The following RFC3 variants were observed in gnomAD, a reference collection of about 807,000 sequenced individuals.
RFC3 encodes the protein A1 38 kDa subunit.
In RFC3, 41 loss-of-function variants were observed where a neutral mutation model predicts 45.1. The ratio of observed to expected loss-of-function variants is 0.91; its 90% CI spans 0.71 to 1.18. RFC3 has a LOEUF of 1.18. RFC3 is among the 50% of genes most tolerant of loss of function. RFC3 has a pLI of 0.00. For missense variants in RFC3, 423 were observed against 428.1 expected, an observed-to-expected ratio of 0.99 and a Z score of 0.10; for synonymous variants, 149 against 144.0, an observed-to-expected ratio of 1.03 and a Z score of -0.25.
At position 33,957,018 on chromosome 13, in the gene RFC3, CATCT is replaced by C. The variant is rs563347384; in HGVS notation, c.880-9061_880-9058del. Reference sequence around the variant, plus strand: ...TATCTACCTACTATCTATTATCTATCATCTATCTATCCATGATCATCGTCAACTA... The same window carrying C: ...TATCTACCTACTATCTATTATCTATCATCTATCCATGATCATCGTCAACTA... On this transcript the variant is annotated intron_variant, in intron 8 of 8. Coordinates refer to the RFC3 transcript ENST00000434425. Among the ~76,000 whole-genome samples the C allele has an allele frequency of 1.2e-3, 183 of 152,286 alleles. 4 individuals are homozygous for C. The South Asian group carries it at 0.031, about 26-fold the overall frequency.
chr13:33,823,816 A>C, intron 2 of RFC3, 101 bp from the exon 3 acceptor site: 1 of 567,526 alleles, frequency 1.8e-6, no homozygotes, highest in Non-Finnish European at 3.1e-6. Flanking sequence ...GGTTATCTCA[A>C]GTTTTACTTT....
intron 5 of RFC3, 92 bp from the exon 6 acceptor site, chr13:33,830,627 A>G: frequency 1.0e-6 from 1 of 968,642 alleles, no homozygotes; most frequent in East Asian, 2.6e-5. Context: ...TTTGAGAGTA[A>G]TACAGTTATA....
chr13:33,908,193 A>G (rs1265886542), intron 8 of RFC3, among the ~76,000 whole-genome samples: 1 of 152,012 alleles, frequency 6.6e-6, no homozygotes, highest in Admixed American at 6.6e-5. Flanking sequence ...ACACAGTGCT[A>G]CATTAATCAG....
intron 1 of RFC3, 84 bp from the exon 2 acceptor site, chr13:33,821,048 A>G: frequency 7.2e-7 from 1 of 1,382,068 alleles, no homozygotes; most frequent in Non-Finnish European, 9.9e-7. Flanking sequence ...GACACATAAA[A>G]TATTTGTTAC....
chr13:33,888,841 G>T (rs2082544781), intron 8 of RFC3, among the ~76,000 whole-genome samples: 1 of 151,602 alleles, frequency 6.6e-6, no homozygotes, highest in Non-Finnish European at 1.5e-5. Context: ...CACCTCCCAG[G>T]TTCACGCCAT....
chr13:33,840,747 G>A (rs1210506893), downstream of RFC3, among the ~76,000 whole-genome samples: 2 of 151,296 alleles, frequency 1.3e-5, no homozygotes, highest in Non-Finnish European at 2.9e-5. Context: ...AAATACTCAT[G>A]GAAAAATGCA....
chr13:33,876,079 A>C (rs1425930106), intron 8 of RFC3, among the ~76,000 whole-genome samples: 2 of 152,164 alleles, frequency 1.3e-5, no homozygotes, highest in Non-Finnish European at 2.9e-5. Context: ...TGCTTCTCCT[A>C]TTGTATCCAA....
intron 8 of RFC3, among the ~76,000 whole-genome samples, chr13:33,843,461 A>G (rs1413586488): frequency 6.6e-6 from 1 of 152,212 alleles, no homozygotes; most frequent in Non-Finnish European, 1.5e-5. Flanking sequence ...CTGATGGCCC[A>G]CTGAAGTTAC....
At chr13:33,867,671 C>T (rs1020699051) in intron 8 of RFC3, among the ~76,000 whole-genome samples, 2 of 152,112 alleles carry the variant, frequency 1.3e-5, no homozygotes, top group Non-Finnish European at 2.9e-5. Flanking sequence ...GCCAGACCCA[C>T]CAGGGCTGCG....
rs751356354 is a variant in RFC3 at position 33,830,868 on chromosome 13, G to C, written c.710+13G>C. 1 of 1,605,840 alleles carries C rather than the reference G, an allele frequency of 6.2e-7. No individual in the cohort carries two copies. Among genetic ancestry groups the C allele is most frequent in the Non-Finnish European group, 8.5e-7 (1 of 1,177,332 alleles). ...GCAGAGTGCAACAGTGAGTGGAAGG[G>C]GTAGTTACATTCTAGGACTTTGGCC... On this transcript the variant is annotated intron_variant, in intron 6 of 8. Coordinates refer to ENST00000380071, the MANE Select transcript of RFC3 (RefSeq NM_002915.4).
chr13:33,948,450 G>A (rs2137823390), intron 8 of RFC3, among the ~76,000 whole-genome samples: 1 of 152,354 alleles, frequency 6.6e-6, no homozygotes, highest in South Asian at 2.1e-4. Context: ...CTAGGGCAGT[G>A]TGGAAAGTAA....
At chr13:33,895,696 A>G (rs1376289625) in intron 8 of RFC3, among the ~76,000 whole-genome samples, 2 of 152,228 alleles carry the variant, frequency 1.3e-5, no homozygotes, top group Non-Finnish European at 2.9e-5. Flanking sequence ...TCATAAAGAC[A>G]GCTGCACACA....
chr13:33,823,905 C>A lies in RFC3; in HGVS notation c.226-12C>A, dbSNP rs1253181618. 7.0e-7 allele frequency: 1 copy of A among 1,422,354 alleles called. No individual in the cohort carries two copies. The highest frequency in any genetic ancestry group is 1.8e-4 in the Middle Eastern group (1 of 5,570). 88.1% of individuals were successfully genotyped at this position (1,422,354 alleles called of 1,614,324 possible). ...AAATAAATGTTAAAAATATCTTTTT[C>A]TTTGTCCACAGACTCCATCTAAAAA... On this transcript the variant is annotated splice_polypyrimidine_tract_variant and intron_variant, in intron 2 of 8. Transcript: ENST00000380071.
chr13:33,858,198 G>A (rs1187121580), intron 8 of RFC3, among the ~76,000 whole-genome samples: 1 of 152,130 alleles, frequency 6.6e-6, no homozygotes, highest in Admixed American at 6.6e-5. Flanking sequence ...ACAAAATAGA[G>A]CAGCTTGGCC....
rs771973430 is a variant in RFC3, at chr13:33,837,472, A to G, written c.*1177A>G. ...CTTTGGTTTGTTTCCAGGTTTGGTT[A>G]TTATGAATAAAGTTGCTGTGAATAC... On this transcript the variant is annotated 3_prime_UTR_variant, in exon 9 of 9. Coordinates refer to ENST00000380071, the MANE Select transcript of RFC3 (RefSeq NM_002915.4). The G allele has an allele frequency of 4.6e-5, 7 of 152,240 alleles. No individual in the cohort carries two copies. Among genetic ancestry groups the G allele is most frequent in the South Asian group, 2.1e-4 (1 of 4,832 alleles). The allele number at this position is 152,240 out of a possible 1,614,324, so 9.4% of individuals were successfully genotyped here. A position where few individuals can be genotyped will look rare whatever the true frequency, so the allele number is the denominator to read the frequency against.
chr13:33,818,740 A>G (rs2081972395), intron 1 of RFC3, among the ~76,000 whole-genome samples: 1 of 152,174 alleles, frequency 6.6e-6, no homozygotes, highest in Non-Finnish European at 1.5e-5. Context: ...AGCGGAGATG[A>G]CACCATGTGA....
At chr13:33,877,104 T>C (rs1010682006) in intron 8 of RFC3, among the ~76,000 whole-genome samples, 14 of 152,234 alleles carry the variant, frequency 9.2e-5, no homozygotes, top group Non-Finnish European at 1.8e-4. Flanking sequence ...ATTATCCAAT[T>C]GGATTCATAG....
In RFC3 at chr13:33,819,727, G is replaced by T. The variant is rs566540014; in HGVS notation, c.88-1405G>T. Among the ~76,000 whole-genome samples, 19 of 152,196 alleles carry T rather than the reference G, an allele frequency of 1.2e-4. 1 individual carries two copies. The highest frequency in any genetic ancestry group is 3.4e-3 in the Middle Eastern group (1 of 294). ...TTATTTTCTGTGGCCACATTTTGTT[G>T]TACAGAATTTGGAATGTATATTTTG... is the stretch of plus-strand genomic sequence containing the variant. On this transcript the variant is annotated intron_variant, in intron 1 of 8. Coordinates refer to ENST00000380071, the MANE Select transcript of RFC3 (RefSeq NM_002915.4).
chr13:33,894,086 A>T (rs955189059), intron 8 of RFC3, among the ~76,000 whole-genome samples: 1 of 152,184 alleles, frequency 6.6e-6, no homozygotes, highest in Non-Finnish European at 1.5e-5. Flanking sequence ...CACACTGTGA[A>T]CTTTTTCCAA....
Sources: gnomAD v4.1 joint callset for allele counts (sites outside exome capture counted in the v4.1 genomes callset) on GRCh38, gnomAD v4.1.1 for gene constraint, MANE v1.5 for transcripts, NCBI Gene and HGNC (gene_info 2026-07-23, HGNC 2026-07-21) for gene names.